Variants in COL17A1 observed in about 807,000 individuals in gnomAD.
COL17A1 encodes the protein collagen alpha-1(XVII) chain.
COL17A1 carries 181 observed loss-of-function variants against 218.4 expected under a neutral mutation model. That is an observed-to-expected ratio of 0.83 (90% CI 0.73 to 0.94). The LOEUF (loss-of-function observed/expected upper bound fraction) is 0.94. COL17A1 is among the 40% of genes least tolerant of loss of function. The probability of loss-of-function intolerance (pLI) is 0.00; values close to 1 mark genes in which losing one functional copy is unlikely to be tolerated. For missense variants in COL17A1, 1,924 were observed against 1,945.9 expected (o/e 0.99, Z 0.21); for synonymous variants, 721 against 731.0 (o/e 0.99, Z 0.22).
chr10:104,039,725 T>G, intron 41 of COL17A1, 85 bp from the exon 42 acceptor site: 1 of 1,583,026 alleles, frequency 6.3e-7, no homozygotes, highest in Non-Finnish European at 8.7e-7. Context: ...AGATCCATGA[T>G]TGCTGGGGCT....
At chr10:104,057,203 T>G (rs2134621216) in intron 16 of COL17A1, 31 bp from the exon 17 acceptor site, 1 of 1,613,834 alleles carries the variant, frequency 6.2e-7, no homozygotes, top group South Asian at 1.1e-5. Flanking sequence ...ATGAAGCAAA[T>G]GCAGGCAGCT....
intron 9 of COL17A1, among the ~76,000 whole-genome samples, chr10:104,067,929 AG>A (rs1193247768): frequency 6.6e-6 from 1 of 152,162 alleles, no homozygotes; most frequent in Non-Finnish European, 1.5e-5. Flanking sequence ...AACTGGGGAG[AG>A]ACATAATGTA....
chr10:104,082,218 C>T (rs1038237312), intron 1 of COL17A1, among the ~76,000 whole-genome samples: 4 of 152,214 alleles, frequency 2.6e-5, no homozygotes, highest in African/African-American at 9.7e-5. Flanking sequence ...GGTATGTTTC[C>T]TGGAGCCCAG....
chr10:104,036,167 G>T (rs2086294929), intron 48 of COL17A1, among the ~76,000 whole-genome samples: 1 of 562 alleles, frequency 1.8e-3, no homozygotes, highest in Admixed American at 0.018. Flanking sequence ...TGTGAGTATG[G>T]GTGTGTGTGT....
intron 19 of COL17A1, 32 bp from the exon 20 acceptor site, chr10:104,055,039 T>C: frequency 1.2e-6 from 2 of 1,613,810 alleles, no homozygotes; most frequent in Non-Finnish European, 1.7e-6. Flanking sequence ...AACTGTGAGA[T>C]GGGGCAAGAA....
At position 104,062,333 on chromosome 10, in the gene COL17A1, T is replaced by C. The variant is rs1386382434; in HGVS notation, c.839-4A>G. 1.2e-6 allele frequency: 2 copies of C among 1,614,030 alleles called. No individual in the cohort carries two copies. The highest frequency in any genetic ancestry group is 1.7e-6 in the Non-Finnish European group (2 of 1,180,036). ...AGATTGTTCTGCATGCCAAACACTG[T>C]GAAAGCAACCAAGGTCAGGTGAGTA... On this transcript the variant is annotated splice_region_variant and splice_polypyrimidine_tract_variant and intron_variant, in intron 11 of 55. Coordinates refer to ENST00000648076, the MANE Select transcript of COL17A1 (RefSeq NM_000494.4).
chr10:104,053,921 C>T lies in COL17A1; in HGVS notation c.1833G>A (p.Val611=). ...PQGPKGQKGS[V]GDPGMEGPMG... is the part of the protein sequence containing the mutation. ...AATAAAGAAAAATGTGTTTCTTACC[C>T]ACGCTGCCTTTTTGACCCTTTGGTC... The change falls in exon 22 of 56, where the codon GTG becomes GTA. Residue 611 remains valine, a splice_region_variant and synonymous_variant. Coordinates refer to ENST00000648076, the MANE Select transcript of COL17A1 (RefSeq NM_000494.4). 1.9e-6 allele frequency: 3 copies of T among 1,563,124 alleles called. No individual in the cohort carries two copies. Among genetic ancestry groups the T allele is most frequent in the South Asian group, 2.2e-5 (2 of 89,978 alleles).
At chr10:104,070,644 T>C in intron 8 of COL17A1, 75 bp from the exon 9 acceptor site, 1 of 1,612,162 alleles carries the variant, frequency 6.2e-7, no homozygotes, top group Non-Finnish European at 8.5e-7. Context: ...GGGGGGAACA[T>C]TTGTGGCATT....
chr10:104,080,829 A>T, intron 1 of COL17A1, 145 bp from the exon 2 acceptor site: 2 of 851,308 alleles, frequency 2.3e-6, no homozygotes, highest in Non-Finnish European at 3.8e-6. Context: ...TTTATGAGTC[A>T]TTCCCATTTC....
chr10:104,042,202 C>G (rs1232603516), intron 36 of COL17A1, among the ~76,000 whole-genome samples: 2 of 152,206 alleles, frequency 1.3e-5, no homozygotes, highest in African/African-American at 4.8e-5. Context: ...AAGGCCAAGT[C>G]TGCCCCTGGT....
intron 36 of COL17A1, among the ~76,000 whole-genome samples, chr10:104,042,077 C>G (rs939261734): frequency 1.3e-5 from 2 of 152,220 alleles, no homozygotes; most frequent in African/African-American, 4.8e-5. Flanking sequence ...TCCACCTGGG[C>G]TCCTTAAAGG....
intron 5 of COL17A1, 22 bp downstream of exon 5, chr10:104,076,279 G>C (rs1488278899): frequency 1.2e-6 from 2 of 1,613,692 alleles, no homozygotes; most frequent in African/African-American, 1.3e-5. Context: ...TGGTTCTCTT[G>C]TATGGTTAGT....
At chr10:104,047,605 A>G (rs2086425156) in intron 31 of COL17A1, 134 bp downstream of exon 31, 5 of 766,338 alleles carry the variant, frequency 6.5e-6, no homozygotes, top group South Asian at 5.9e-5. Flanking sequence ...CACACACACA[A>G]CCATGCACAT....
intron 53 of COL17A1, 134 bp from the exon 54 acceptor site, chr10:104,033,102 T>G: frequency 6.6e-7 from 1 of 1,517,544 alleles, no homozygotes. Context: ...AGTTCAGAAT[T>G]TATAGAATTT....
intron 2 of COL17A1, among the ~76,000 whole-genome samples, chr10:104,079,355 G>A (rs1218223584): frequency 6.6e-6 from 1 of 152,122 alleles, no homozygotes; most frequent in Non-Finnish European, 1.5e-5. Context: ...CAGTGTGCTT[G>A]TATGCATGCA....
At chr10:104,068,094 C>T (rs2086641904) in intron 9 of COL17A1, among the ~76,000 whole-genome samples, 1 of 152,104 alleles carries the variant, frequency 6.6e-6, no homozygotes, top group Admixed American at 6.6e-5. Flanking sequence ...CGGCAGGGCC[C>T]TGGTAGTGAG....
intron 7 of COL17A1, 133 bp downstream of exon 7, chr10:104,073,077 C>A: frequency 1.2e-6 from 1 of 849,216 alleles, no homozygotes; most frequent in Non-Finnish European, 2.0e-6. Context: ...ACTCTAAGCT[C>A]CTCGAAAGCA....
In COL17A1 at chr10:104,045,754, T is replaced by C; in HGVS notation, c.2398+4A>G. 1 of 1,609,742 alleles carries C rather than the reference T, an allele frequency of 6.2e-7. No individual in the cohort carries two copies. The highest frequency in any genetic ancestry group is 8.5e-7 in the Non-Finnish European group (1 of 1,175,902). ...AAAGAAATCTCATTTGGAAATTCAC[T>C]TACCTTTTATTCCTGGTCGGCCAGG... On this transcript the variant is annotated splice_donor_region_variant and intron_variant, in intron 33 of 55. Transcript: ENST00000648076.
chr10:104,033,419 A>G, intron 52 of COL17A1, 44 bp from the exon 53 acceptor site: 1 of 1,600,304 alleles, frequency 6.2e-7, no homozygotes, highest in South Asian at 1.1e-5. Flanking sequence ...GGGATCTCCC[A>G]GTACCCTCTT....
Sources: gnomAD v4.1 joint callset for allele counts (sites outside exome capture counted in the v4.1 genomes callset) on GRCh38, gnomAD v4.1.1 for gene constraint, MANE v1.5 for transcripts, NCBI Gene and HGNC (gene_info 2026-07-23, HGNC 2026-07-21) for gene names.